SEC14L1: variants seen among roughly 807,000 people sequenced by gnomAD.
SEC14L1 encodes the protein SEC14-like protein 1.
A neutral mutation model predicts 85.3 loss-of-function variants in SEC14L1; 48 were observed. The observed-to-expected ratio is 0.56, with a 90% CI of 0.45 to 0.72. The LOEUF is 0.72. Among genes scored for constraint, SEC14L1 ranks in the 30% least tolerant of loss-of-function variants. The pLI is 0.00. For synonymous variants in SEC14L1, 391 were observed against 355.5 expected, an observed-to-expected ratio of 1.10 and a Z score of -1.12; for missense variants, 682 against 921.4, an observed-to-expected ratio of 0.74 and a Z score of 3.36.
chr17:77,207,831 T>C (rs533996115), intron 13 of SEC14L1, among the ~76,000 whole-genome samples: 1 of 152,318 alleles, frequency 6.6e-6, no homozygotes, highest in African/African-American at 2.4e-5. Context: ...ACTGAGTTGC[T>C]GGGTAATGAA....
chr17:77,140,275 C>T (rs1014596563), upstream of SEC14L1, among the ~76,000 whole-genome samples: 18 of 152,314 alleles, frequency 1.2e-4, no homozygotes, highest in African/African-American at 4.1e-4. Flanking sequence ...GGGCGCGCGT[C>T]TCAGTTTCAA....
At position 77,193,554 on chromosome 17, in the gene SEC14L1, G is replaced by A. The variant is rs750968126; in HGVS notation, c.474+5G>A. The A allele has an allele frequency of 6.2e-7, 1 of 1,604,476 alleles. No individual in the cohort carries two copies. On this transcript the variant is annotated splice_donor_5th_base_variant and intron_variant, in intron 6 of 16. Transcript: ENST00000436233. ...TATACCAGCAACATTAAAAAAGTGA[G>A]TGTATCTTGGGATTTTGTGGCAGAG...
intron 1 of SEC14L1, 184 bp downstream of exon 1, chr17:77,141,291 T>G: frequency 2.4e-5 from 1 of 41,662 alleles, no homozygotes; most frequent in Non-Finnish European, 4.6e-5. Flanking sequence ...GCCCCCCTGC[T>G]CGCCCTCCGC....
At chr17:77,108,663 T>C (rs1377709686) in intron 3 of SEC14L1, among the ~76,000 whole-genome samples, 1 of 151,152 alleles carries the variant, frequency 6.6e-6, no homozygotes, top group Non-Finnish European at 1.5e-5. Flanking sequence ...CGCTTGAACC[T>C]GGGAGGCGGA....
At chr17:77,209,564 AG>A in intron 14 of SEC14L1, 88 bp downstream of exon 14, 1 of 1,399,910 alleles carries the variant, frequency 7.1e-7, no homozygotes, top group Non-Finnish European at 9.7e-7. Context: ...CCTTTCATTC[AG>A]AACAGTCCAC....
At chr17:77,117,168 T>C (rs1972188757) in intron 3 of SEC14L1, among the ~76,000 whole-genome samples, 2 of 151,976 alleles carry the variant, frequency 1.3e-5, no homozygotes, top group African/African-American at 4.8e-5. Flanking sequence ...GCCAACATGG[T>C]AAAACCCTGT....
chr17:77,112,032 G>T (rs1168065026), intron 3 of SEC14L1, among the ~76,000 whole-genome samples: 2 of 152,276 alleles, frequency 1.3e-5, no homozygotes, highest in South Asian at 2.1e-4. Flanking sequence ...CCCGGTGGGA[G>T]GTAACTGAAT....
At position 77,215,366 on chromosome 17, in the gene SEC14L1, A is replaced by T; in HGVS notation, c.*1343A>T. On this transcript the variant is annotated 3_prime_UTR_variant, in exon 17 of 17. Coordinates refer to ENST00000436233, the MANE Select transcript of SEC14L1 (RefSeq NM_001143998.2). The stretch of plus-strand genomic sequence containing the variant: ...ACATGCAACACGTGTTTCTGTGTGC[A>T]GCAGAGGCCGTGTTTTTCATGCCAA... The T allele has an allele frequency of 1.0e-6, 1 of 985,460 alleles. No individual in the cohort carries two copies. The highest frequency in any genetic ancestry group is 1.2e-6 in the Non-Finnish European group (1 of 829,948). The allele number at this position is 985,460 out of a possible 1,614,324, so 61.0% of individuals were successfully genotyped here.
At position 77,185,271 on chromosome 17, in the gene SEC14L1, C is replaced by T. The variant is rs9674550; in HGVS notation, c.64-5532C>T. 0.38 allele frequency: 374,541 copies of T among 984,768 alleles called. 71,850 individuals are homozygous for T. Among genetic ancestry groups the T allele is most frequent in the South Asian group, 0.43 (9,201 of 21,266 alleles). The allele number at this position is 984,768 out of a possible 1,614,324, so 61.0% of individuals were successfully genotyped here. A position where few individuals can be genotyped will look rare whatever the true frequency, so the allele number is the denominator to read the frequency against. ...GAGAATGTGGAGGGAGTAAGGGAGG[C>T]GCTTGCTAACTGCCCCTGACGCTGA... On this transcript the variant is annotated intron_variant, in intron 3 of 16. Transcript: ENST00000436233.
intron 3 of SEC14L1, among the ~76,000 whole-genome samples, chr17:77,131,819 G>T (rs1410520440): frequency 6.6e-6 from 1 of 152,190 alleles, no homozygotes; most frequent in African/African-American, 2.4e-5. Flanking sequence ...GTATTTTTGG[G>T]AGAGAATTCT....
intron 7 of SEC14L1, among the ~76,000 whole-genome samples, chr17:77,195,795 C>T (rs562137808): frequency 6.6e-6 from 1 of 152,226 alleles, no homozygotes; most frequent in Admixed American, 6.5e-5. Context: ...TTACATTCTC[C>T]AACACAGTAG....
At chr17:77,198,539 T>G (rs1975932071) in intron 8 of SEC14L1, among the ~76,000 whole-genome samples, 1 of 152,084 alleles carries the variant, frequency 6.6e-6, no homozygotes, top group African/African-American at 2.4e-5. Flanking sequence ...ACTATTCTGA[T>G]GATGGTTCAT....
At chr17:77,188,938 T>C (rs748694117) in intron 3 of SEC14L1, among the ~76,000 whole-genome samples, 109 of 152,318 alleles carry the variant, frequency 7.2e-4, no homozygotes, top group Non-Finnish European at 1.4e-3. Flanking sequence ...TCAGGTGAGA[T>C]ATCACTTCCT....
At chr17:77,113,635 A>G (rs957172108) in intron 3 of SEC14L1, among the ~76,000 whole-genome samples, 2 of 152,182 alleles carry the variant, frequency 1.3e-5, no homozygotes, top group African/African-American at 2.4e-5. Context: ...AGACCCAGCT[A>G]TTCAAAAGGC....
At chr17:77,107,406 T>C (rs1358407116) in intron 3 of SEC14L1, among the ~76,000 whole-genome samples, 1 of 152,174 alleles carries the variant, frequency 6.6e-6, no homozygotes, top group African/African-American at 2.4e-5. Context: ...AGAAAGAGTC[T>C]CCTTCGTGTA....
At chr17:77,182,173 G>A (rs1975068662) in intron 3 of SEC14L1, among the ~76,000 whole-genome samples, 1 of 152,188 alleles carries the variant, frequency 6.6e-6, no homozygotes, top group African/African-American at 2.4e-5. Flanking sequence ...CATGTTAAAG[G>A]TAGGCTCTTT....
chr17:77,140,288 C>T (rs1212408395), upstream of SEC14L1, among the ~76,000 whole-genome samples: 1 of 152,198 alleles, frequency 6.6e-6, no homozygotes, highest in Non-Finnish European at 1.5e-5. Context: ...AGTTTCAAGC[C>T]CGCGGCCCGA....
chr17:77,202,492 A>T (rs1028449416), intron 9 of SEC14L1, among the ~76,000 whole-genome samples: 2 of 152,152 alleles, frequency 1.3e-5, no homozygotes, highest in Non-Finnish European at 2.9e-5. Context: ...GGTGGCACAC[A>T]CCTGTAGTCC....
At chr17:77,155,062 A>T (rs1037232428) in intron 3 of SEC14L1, among the ~76,000 whole-genome samples, 1 of 152,190 alleles carries the variant, frequency 6.6e-6, no homozygotes, top group African/African-American at 2.4e-5. Context: ...TATTTTAGGC[A>T]TAGCTATCTG....
Sources: gnomAD v4.1 joint callset for allele counts (sites outside exome capture counted in the v4.1 genomes callset) on GRCh38, gnomAD v4.1.1 for gene constraint, MANE v1.5 for transcripts, NCBI Gene and HGNC (gene_info 2026-07-23, HGNC 2026-07-21) for gene names.